The following GLI2 variants were observed in gnomAD, a reference collection of about 807,000 sequenced individuals.
The protein encoded by GLI2 is transcription activator GLI2.
A neutral mutation model predicts 78.9 loss-of-function variants in GLI2; 22 were observed. The observed-to-expected ratio is 0.28, with a 90% CI of 0.20 to 0.40. The LOEUF (loss-of-function observed/expected upper bound fraction) is 0.40. Among genes scored for constraint, GLI2 ranks in the 10% least tolerant of loss-of-function variants. The pLI is 1.00. For missense variants in GLI2, 2,097 were observed against 2,213.2 expected (o/e 0.95, Z 1.05); for synonymous variants, 974 against 963.7 (o/e 1.01, Z -0.20).
In GLI2 at chr2:120,984,713, C is replaced by A; in HGVS notation, c.1875C>A (p.His625Gln). The A allele has an allele frequency of 6.2e-7, 1 of 1,613,332 alleles. No individual in the cohort carries two copies. The highest frequency in any genetic ancestry group is 8.5e-7 in the Non-Finnish European group (1 of 1,179,936). ...STSQAVEDCL[H>Q]VRAIKTESSG... Reference sequence around the variant, plus strand: ...GCCAGGCCGTGGAGGACTGCCTGCACGTCAGAGCCATCAAGACCGAGAGCT... The same window carrying A: ...GCCAGGCCGTGGAGGACTGCCTGCAAGTCAGAGCCATCAAGACCGAGAGCT... The change falls in exon 12 of 14, where the codon CAC (histidine) becomes CAA (glutamine). Residue 625 changes from histidine to glutamine, a missense_variant. By Grantham distance (24) the His-to-Gln change is conservative. Transcript: ENST00000361492.
chr2:120,821,085 G>A (rs984297088), intron 2 of GLI2, among the ~76,000 whole-genome samples: 3 of 152,118 alleles, frequency 2.0e-5, no homozygotes, highest in African/African-American at 7.2e-5. Context: ...ACTAAGCCTG[G>A]GATGATCTGC....
chr2:120,842,058 CAAA>C lies in GLI2; in HGVS notation c.148+44607_148+44609del, dbSNP rs571517244. 6.0e-3 allele frequency among the ~76,000 whole-genome samples: 449 copies of C among 74,528 alleles called. 2 individuals are homozygous for C. Among genetic ancestry groups the C allele is most frequent in the African/African-American group, 0.017 (435 of 25,312 alleles). The allele number at this position is 74,528 out of a possible 152,430, so 48.9% of individuals were successfully genotyped here. A position where few individuals can be genotyped will look rare whatever the true frequency, so the allele number is the denominator to read the frequency against. Reference sequence around the variant, plus strand: ...CTCAATAGTTACCTATTTGTCAACTCAAAAAAAAAAAAAAAAAAACAGACTTCT... The same window carrying C: ...CTCAATAGTTACCTATTTGTCAACTCAAAAAAAAAAAAAAAACAGACTTCT... On this transcript the variant is annotated intron_variant, in intron 2 of 13. Coordinates refer to ENST00000361492, the MANE Select transcript of GLI2 (RefSeq NM_001374353.1).
intron 2 of GLI2, among the ~76,000 whole-genome samples, chr2:120,889,296 C>T (rs1436315093): frequency 3.3e-5 from 5 of 151,974 alleles, no homozygotes; most frequent in Non-Finnish European, 2.9e-5. Context: ...CTTGAGCCAG[C>T]CCTCAGAAGA....
chr2:120,899,499 T>C (rs1438323322), intron 2 of GLI2, among the ~76,000 whole-genome samples: 1 of 151,842 alleles, frequency 6.6e-6, no homozygotes, highest in Non-Finnish European at 1.5e-5. Context: ...GGAAGGCGAG[T>C]GCCCCGAGCC....
At chr2:120,969,248 C>T (rs1184791286) in intron 6 of GLI2, among the ~76,000 whole-genome samples, 1 of 152,226 alleles carries the variant, frequency 6.6e-6, no homozygotes, top group East Asian at 1.9e-4. Context: ...GGAGACCACA[C>T]AAAATGTGAC....
At chr2:120,799,835 T>C (rs1684609618) in intron 2 of GLI2, among the ~76,000 whole-genome samples, 2 of 152,148 alleles carry the variant, frequency 1.3e-5, no homozygotes, top group South Asian at 4.1e-4. Flanking sequence ...CCTCACTGCC[T>C]GCGGGAGTAC....
chr2:120,974,909 G>A, intron 8 of GLI2, 66 bp from the exon 9 acceptor site: 1 of 1,613,874 alleles, frequency 6.2e-7, no homozygotes, highest in Non-Finnish European at 8.5e-7. Flanking sequence ...GGGACTAACA[G>A]CGACCTCTTT....
At position 120,749,166 on chromosome 2, in the gene GLI2, T is replaced by C. The variant is rs79417784; in HGVS notation, c.-31+12881T>C. 8.2e-3 allele frequency among the ~76,000 whole-genome samples: 1,246 copies of C among 152,292 alleles called. 64 individuals are homozygous for C. Among genetic ancestry groups the C allele is most frequent in the Admixed American group, 0.075 (1,150 of 15,298 alleles). On this transcript the variant is annotated intron_variant, in intron 1 of 13. Transcript: ENST00000361492. ...AACACTCATTAATACTGCCTTGCCATTGTCTGTTTATTTGTGCTTAACACG... is the reference window on the plus strand; with the variant it reads ...AACACTCATTAATACTGCCTTGCCACTGTCTGTTTATTTGTGCTTAACACG...
intron 3 of GLI2, among the ~76,000 whole-genome samples, chr2:120,950,664 C>T (rs1212766118): frequency 2.6e-5 from 4 of 152,322 alleles, no homozygotes; most frequent in African/African-American, 9.6e-5. Flanking sequence ...AGTTAGGGCT[C>T]ATCAATTTCA....
intron 4 of GLI2, among the ~76,000 whole-genome samples, chr2:120,954,842 G>A (rs4848662): frequency 0.79 from 119,856 of 152,156 alleles, 52,054 homozygotes; most frequent in East Asian, 1. Flanking sequence ...GGCACAGACT[G>A]ACCTGGCCCA....
chr2:120,932,800 G>T (rs1438675663), intron 3 of GLI2, among the ~76,000 whole-genome samples: 1 of 152,220 alleles, frequency 6.6e-6, no homozygotes, highest in Non-Finnish European at 1.5e-5. Context: ...GCCACGGCAG[G>T]CTGGGAGACT....
chr2:120,796,420 A>C lies in GLI2; in HGVS notation c.-30-871A>C, dbSNP rs75304372. 1.4e-3 allele frequency among the ~76,000 whole-genome samples: 219 copies of C among 152,292 alleles called. 2 individuals carry two copies. Among genetic ancestry groups the C allele is most frequent in the Non-Finnish European group, 6.9e-4 (47 of 68,016 alleles). ...GAGTGACCCTTTTACACCCGGAGTC[A>C]GTCCTGCCCCTCCCCTGCTCAAGAC... is the stretch of plus-strand genomic sequence containing the variant. On this transcript the variant is annotated intron_variant, in intron 1 of 13. Transcript: ENST00000361492.
chr2:120,824,080 C>T lies in GLI2; in HGVS notation c.148+26612C>T, dbSNP rs142397471. Among the ~76,000 whole-genome samples, 1,007 of 152,216 alleles carry T rather than the reference C, an allele frequency of 6.6e-3. 9 individuals carry two copies. The highest frequency in any genetic ancestry group is 0.012 in the Non-Finnish European group (795 of 68,014). On this transcript the variant is annotated intron_variant, in intron 2 of 13. Transcript: ENST00000361492. ...GATTCGTCTGCTCTGGAGATCTAAA[C>T]GTTCATATCTTGGGGGGATTCCGTT...
Position 120,989,203 on chromosome 2 carries a change from C to T in GLI2, c.3238C>T (p.Pro1080Ser). Residue 1080 changes from proline to serine, a missense_variant, in exon 14 of 14, where the codon CCC becomes TCC. Coordinates refer to ENST00000361492, the MANE Select transcript of GLI2 (RefSeq NM_001374353.1). Reference protein sequence around the residue: ...PTESTGFSDNPRLPSPGLHGQ... With the variant: ...PTESTGFSDNSRLPSPGLHGQ... Reference sequence around the variant, plus strand: ...GGAAAGCACTGGCTTCTCTGACAACCCCAGACTACCCAGCCCGGGGCTGCA... The same window carrying T: ...GGAAAGCACTGGCTTCTCTGACAACTCCAGACTACCCAGCCCGGGGCTGCA... 3 of 1,613,200 alleles carry T rather than the reference C, an allele frequency of 1.9e-6. No individual in the cohort carries two copies. The highest frequency in any genetic ancestry group is 2.5e-6 in the Non-Finnish European group (3 of 1,180,018).
At chr2:120,797,554 G>A (rs1002046780) in intron 2 of GLI2, 86 bp downstream of exon 2, 24 of 1,302,060 alleles carry the variant, frequency 1.8e-5, no homozygotes, top group Admixed American at 5.3e-5. Flanking sequence ...GGCCCATGTC[G>A]TCAGGGAGGC....
intron 2 of GLI2, among the ~76,000 whole-genome samples, chr2:120,854,317 C>A (rs186308838): frequency 1.6e-3 from 247 of 152,308 alleles, no homozygotes; most frequent in African/African-American, 5.4e-3. Context: ...TGTCAGTTCA[C>A]CTCCATCCTC....
intron 2 of GLI2, among the ~76,000 whole-genome samples, chr2:120,848,373 G>A (rs772831175): frequency 1.2e-4 from 19 of 152,162 alleles, no homozygotes; most frequent in African/African-American, 3.4e-4. Flanking sequence ...CCAGGAGACC[G>A]GCGAGCAGAG....
intron 2 of GLI2, among the ~76,000 whole-genome samples, chr2:120,834,801 TG>T (rs995657851): frequency 6.6e-6 from 1 of 151,974 alleles, no homozygotes; most frequent in Non-Finnish European, 1.5e-5. Context: ...TAACTTTCTG[TG>T]GGGGGTTATG....
In GLI2 at chr2:120,899,196, A is replaced by G. The variant is rs768822711; in HGVS notation, c.149-28165A>G. 4.6e-5 allele frequency among the ~76,000 whole-genome samples: 7 copies of G among 152,230 alleles called. No individual in the cohort carries two copies. In the East Asian group the frequency reaches 1.2e-3, roughly 25 times the overall value. ...ATTGTGAGCCATTGTGAGCCAGAGCAGGCTGCAGCTGGGCCTCATCTGTGC... is the reference window on the plus strand; with the variant it reads ...ATTGTGAGCCATTGTGAGCCAGAGCGGGCTGCAGCTGGGCCTCATCTGTGC... On this transcript the variant is annotated intron_variant, in intron 2 of 13. Coordinates refer to ENST00000361492, the MANE Select transcript of GLI2 (RefSeq NM_001374353.1).
Sources: allele counts gnomAD v4.1 joint callset (sites outside exome capture counted in the v4.1 genomes callset), GRCh38; gene constraint gnomAD v4.1.1; transcripts MANE v1.5; gene names NCBI Gene and HGNC (gene_info 2026-07-23, HGNC 2026-07-21).